DNAH7: variants seen among roughly 807,000 people sequenced by gnomAD.
DNAH7 encodes the protein axonemal beta dynein heavy chain 7.
A neutral mutation model predicts 444.6 loss-of-function variants in DNAH7; 397 were observed. That is an observed-to-expected ratio of 0.89 (90% CI 0.82 to 0.97). The LOEUF (loss-of-function observed/expected upper bound fraction) is 0.97, where lower values mean the gene tolerates loss of function less well. Ranked by LOEUF, DNAH7 falls within the 50% of genes least tolerant of loss-of-function variation. DNAH7 has a pLI of 0.00. For missense variants in DNAH7, 4,902 were observed against 4,800.8 expected (o/e 1.02, Z -0.62); for synonymous variants, 1,636 against 1,624.4 (o/e 1.01, Z -0.17).
intron 63 of DNAH7, among the ~76,000 whole-genome samples, chr2:195,752,834 CTA>C (rs1357926811): frequency 1.3e-5 from 2 of 152,134 alleles, no homozygotes. Flanking sequence ...GAAGTCATCA[CTA>C]ACTCTGAAAA....
intron 19 of DNAH7, among the ~76,000 whole-genome samples, chr2:195,952,140 T>C (rs1690302055): frequency 6.6e-6 from 1 of 152,182 alleles, no homozygotes; most frequent in Admixed American, 6.5e-5. Context: ...TGACAAAATC[T>C]CTCAGGATTT....
At chr2:196,029,552 A>T (rs1269939783) in intron 5 of DNAH7, among the ~76,000 whole-genome samples, 2 of 152,154 alleles carry the variant, frequency 1.3e-5, no homozygotes, top group Non-Finnish European at 1.5e-5. Flanking sequence ...TTTATTGATT[A>T]CCTACTCAGG....
chr2:195,837,818 C>T (rs915713342), intron 47 of DNAH7, among the ~76,000 whole-genome samples: 17 of 152,106 alleles, frequency 1.1e-4, no homozygotes, highest in Admixed American at 1.1e-3. Flanking sequence ...CTGTTGTACA[C>T]AGAATGTAAG....
Position 195,858,767 on chromosome 2 carries a change from A to C in DNAH7, c.7774T>G (p.Leu2592Val). Residue 2592 changes from leucine to valine, a missense_variant, in exon 43 of 65, where the codon TTG (leucine) becomes GTG (valine). Physicochemically the swap from Leu to Val is conservative, Grantham distance 32. Coordinates refer to ENST00000312428, the MANE Select transcript of DNAH7 (RefSeq NM_018897.3). ...MKMKKRYEVG[L>V]EKLDSASSQV... ...GATGAAGCAGAATCCAGTTTCTCCA[A>C]ACCCACTTCATATCTCTTTTTCATT... 6.2e-7 allele frequency: 1 copy of C among 1,612,556 alleles called. No homozygotes were observed. Among genetic ancestry groups the C allele is most frequent in the Non-Finnish European group, 8.5e-7 (1 of 1,179,418 alleles).
At chr2:195,969,250 G>C (rs1691683584) in intron 17 of DNAH7, among the ~76,000 whole-genome samples, 1 of 152,072 alleles carries the variant, frequency 6.6e-6, no homozygotes, top group African/African-American at 2.4e-5. Flanking sequence ...AATAACTACA[G>C]AGTTTTTATT....
intron 47 of DNAH7, among the ~76,000 whole-genome samples, chr2:195,836,711 T>C (rs1447136738): frequency 6.6e-6 from 1 of 152,118 alleles, no homozygotes; most frequent in Non-Finnish European, 1.5e-5. Context: ...GAAATAAAAA[T>C]ATAAATATAT....
intron 17 of DNAH7, among the ~76,000 whole-genome samples, chr2:195,963,148 G>A (rs1691225419): frequency 6.6e-6 from 1 of 152,194 alleles, no homozygotes; most frequent in Non-Finnish European, 1.5e-5. Context: ...ACTGCTGGAT[G>A]ATATGGTAGC....
chr2:195,894,131 A>G (rs1309747558), intron 30 of DNAH7: 1 of 152,156 alleles, frequency 6.6e-6, no homozygotes, highest in African/African-American at 2.4e-5. Context: ...AATACAAATG[A>G]CTTTAAACTT....
intron 33 of DNAH7, among the ~76,000 whole-genome samples, chr2:195,887,960 A>G (rs940810835): frequency 3.9e-5 from 6 of 152,186 alleles, no homozygotes; most frequent in African/African-American, 1.4e-4. Flanking sequence ...ATAATATTGT[A>G]ATAATGGAAA....
intron 2 of DNAH7, among the ~76,000 whole-genome samples, chr2:196,053,556 G>A (rs1697618167): frequency 6.6e-6 from 1 of 152,188 alleles, no homozygotes; most frequent in East Asian, 1.9e-4. Flanking sequence ...AGTCAGCAGT[G>A]AGGCTAGTTT....
At chr2:195,921,858 C>T (rs1329787277) in intron 24 of DNAH7, among the ~76,000 whole-genome samples, 1 of 151,188 alleles carries the variant, frequency 6.6e-6, no homozygotes, top group African/African-American at 2.5e-5. Context: ...GGATGGACAG[C>T]GTCAACAACA....
chr2:196,036,274 T>C (rs1696384264), intron 5 of DNAH7, among the ~76,000 whole-genome samples: 1 of 152,114 alleles, frequency 6.6e-6, no homozygotes, highest in African/African-American at 2.4e-5. Context: ...CCTCAGGTGA[T>C]CTGTCCACCT....
chr2:196,054,280 G>A (rs1308830758), intron 2 of DNAH7, among the ~76,000 whole-genome samples: 1 of 152,130 alleles, frequency 6.6e-6, no homozygotes, highest in East Asian at 1.9e-4. Flanking sequence ...TAGCACTTTG[G>A]GAGGCAAAGG....
intron 53 of DNAH7, among the ~76,000 whole-genome samples, chr2:195,807,524 T>C (rs1158038174): frequency 6.6e-6 from 1 of 152,194 alleles, no homozygotes. Flanking sequence ...TAAATAAATA[T>C]TTCAAAACAA....
chr2:195,819,832 T>C (rs769908078), intron 49 of DNAH7, among the ~76,000 whole-genome samples: 11 of 152,150 alleles, frequency 7.2e-5, no homozygotes, highest in Non-Finnish European at 1.3e-4. Flanking sequence ...TGGATGCTGA[T>C]TGGAATATAC....
intron 19 of DNAH7, among the ~76,000 whole-genome samples, chr2:195,941,122 C>T (rs897106000): frequency 3.9e-5 from 6 of 152,090 alleles, no homozygotes; most frequent in African/African-American, 1.4e-4. Context: ...GGAACCAACC[C>T]AAATGCCCAT....
At chr2:195,775,719 G>T in intron 60 of DNAH7, 127 bp downstream of exon 60, 1 of 1,013,162 alleles carries the variant, frequency 9.9e-7, no homozygotes, top group South Asian at 2.6e-5. Context: ...ATGTATTTTT[G>T]TCTTTTCCTT....
intron 51 of DNAH7, among the ~76,000 whole-genome samples, chr2:195,815,839 A>G (rs1559116707): frequency 1.3e-5 from 2 of 152,198 alleles, no homozygotes; most frequent in East Asian, 3.9e-4. Context: ...TGTCTCTACT[A>G]AAAATTAGCC....
At chr2:195,957,802 T>C (rs1046833830) in intron 18 of DNAH7, among the ~76,000 whole-genome samples, 3 of 152,112 alleles carry the variant, frequency 2.0e-5, no homozygotes, top group Non-Finnish European at 2.9e-5. Context: ...CGTTAAGATA[T>C]ACTTATCTAC....
Sources: gnomAD v4.1 joint callset for allele counts (sites outside exome capture counted in the v4.1 genomes callset) on GRCh38, gnomAD v4.1.1 for gene constraint, MANE v1.5 for transcripts, NCBI Gene and HGNC (gene_info 2026-07-23, HGNC 2026-07-21) for gene names.